LHFPL3: variants seen among roughly 807,000 people sequenced by gnomAD.
The protein encoded by LHFPL3 is LHFPL tetraspan subfamily member 3.
LHFPL3 carries 5 observed loss-of-function variants against 19.3 expected under a neutral mutation model. The ratio of observed to expected loss-of-function variants is 0.26; its 90% CI spans 0.14 to 0.54. LHFPL3 has a LOEUF of 0.54. Ranked by LOEUF, LHFPL3 falls within the 20% of genes least tolerant of loss-of-function variation. The probability of loss-of-function intolerance (pLI) is 0.94; values close to 1 mark genes in which losing one functional copy is unlikely to be tolerated. For synonymous variants in LHFPL3, 133 were observed against 126.2 expected (o/e 1.05, Z -0.36); for missense variants, 249 against 307.4 (o/e 0.81, Z 1.42).
At chr7:104,868,806 C>G (rs906953806) in intron 2 of LHFPL3, among the ~76,000 whole-genome samples, 3 of 152,124 alleles carry the variant, frequency 2.0e-5, no homozygotes, top group Non-Finnish European at 2.9e-5. Flanking sequence ...GGAGGCATCA[C>G]GCTACCTGAC....
chr7:104,894,960 G>A (rs1792324916), intron 2 of LHFPL3: 1 of 152,128 alleles, frequency 6.6e-6, no homozygotes, highest in Non-Finnish European at 1.5e-5. Flanking sequence ...AGAATCACCT[G>A]GGATCTCAAT....
Position 104,461,598 on chromosome 7 carries a change from G to A in LHFPL3, c.445+132374G>A, listed in dbSNP as rs79902346. ...TTATACCAGTAACCATGTTGTTTTC[G>A]TTACTGTAGCCCTGGAGTGTAGTTT... On this transcript the variant is annotated intron_variant, in intron 1 of 2. Coordinates refer to ENST00000424859, the MANE Select transcript of LHFPL3 (RefSeq NM_199000.3). Among the ~76,000 whole-genome samples, 847 of 152,084 alleles carry A rather than the reference G, an allele frequency of 5.6e-3. 49 individuals are homozygous for A. The East Asian group carries it at 0.13, about 24-fold the overall frequency.
intron 2 of LHFPL3, among the ~76,000 whole-genome samples, chr7:104,792,092 G>A (rs1163333885): frequency 1.3e-5 from 2 of 152,108 alleles, no homozygotes; most frequent in African/African-American, 4.8e-5. Flanking sequence ...GAAATCAAAG[G>A]TACAGAGATT....
intron 1 of LHFPL3, among the ~76,000 whole-genome samples, chr7:104,616,365 C>T (rs949296223): frequency 6.6e-6 from 1 of 152,064 alleles, no homozygotes; most frequent in East Asian, 1.9e-4. Flanking sequence ...TTTGACAAAC[C>T]TGACAAAAAC....
chr7:104,525,692 C>T (rs1450128836), intron 1 of LHFPL3, among the ~76,000 whole-genome samples: 1 of 151,416 alleles, frequency 6.6e-6, no homozygotes, highest in Non-Finnish European at 1.5e-5. Context: ...CTGCAACCTC[C>T]GCCTCCTGGG....
At chr7:104,440,035 T>TGGGCC (rs139318074) in intron 1 of LHFPL3, among the ~76,000 whole-genome samples, 3 of 84,902 alleles carry the variant, frequency 3.5e-5, no homozygotes, top group Admixed American at 1.3e-4. Context: ...ATACAAAGCC[T>TGGGCC]GGGGGGGGGG....
intron 1 of LHFPL3, among the ~76,000 whole-genome samples, chr7:104,354,090 T>C (rs1281105250): frequency 6.6e-6 from 1 of 152,254 alleles, no homozygotes; most frequent in Non-Finnish European, 1.5e-5. Flanking sequence ...TTCCTCCATT[T>C]TTAATTTCAG....
At chr7:104,903,667 T>C (rs1304039080) in intron 2 of LHFPL3, among the ~76,000 whole-genome samples, 4 of 152,124 alleles carry the variant, frequency 2.6e-5, no homozygotes, top group Non-Finnish European at 4.4e-5. Context: ...GTTTTCGCCA[T>C]ATTGACCAGG....
At chr7:104,878,772 G>A (rs1422794850) in intron 2 of LHFPL3, among the ~76,000 whole-genome samples, 2 of 152,156 alleles carry the variant, frequency 1.3e-5, no homozygotes, top group African/African-American at 2.4e-5. Flanking sequence ...CCAAACAGCC[G>A]AGTTTTGAAT....
intron 1 of LHFPL3, among the ~76,000 whole-genome samples, chr7:104,599,619 A>G (rs1790926732): frequency 6.6e-6 from 1 of 152,240 alleles, no homozygotes; most frequent in Non-Finnish European, 1.5e-5. Context: ...CACCAAGAAT[A>G]TGAGAATGAA....
chr7:104,761,405 TA>T (rs1794369541), intron 2 of LHFPL3, among the ~76,000 whole-genome samples: 2 of 152,014 alleles, frequency 1.3e-5, no homozygotes, highest in Admixed American at 1.3e-4. Context: ...AATCCAATAT[TA>T]CAAAGACATG....
At chr7:104,710,762 C>T (rs1793286838) in intron 1 of LHFPL3, among the ~76,000 whole-genome samples, 1 of 152,154 alleles carries the variant, frequency 6.6e-6, no homozygotes, top group African/African-American at 2.4e-5. Context: ...ATAATAAATG[C>T]TCAATAAATG....
chr7:104,678,794 ACT>A (rs779681166), intron 1 of LHFPL3, among the ~76,000 whole-genome samples: 80 of 152,364 alleles, frequency 5.3e-4, no homozygotes, highest in East Asian at 1.5e-3. Context: ...GCATTTGAAC[ACT>A]AACATTAGTG....
chr7:104,815,941 G>T (rs140341234), intron 2 of LHFPL3, among the ~76,000 whole-genome samples: 65 of 152,240 alleles, frequency 4.3e-4, no homozygotes, highest in African/African-American at 1.5e-3. Context: ...GAACTGCTTT[G>T]CTCATTCAGA....
intron 2 of LHFPL3, among the ~76,000 whole-genome samples, chr7:104,782,795 T>G (rs1477057038): frequency 6.6e-6 from 1 of 152,252 alleles, no homozygotes; most frequent in Non-Finnish European, 1.5e-5. Flanking sequence ...CACATCTTTC[T>G]TATACGCTAC....
Position 104,376,213 on chromosome 7 carries a change from G to GTTTGTGGGCACAA in LHFPL3, c.445+47000_445+47001insAATTTGTGGGCAC, listed in dbSNP as rs544538825. 1.2e-3 allele frequency among the ~76,000 whole-genome samples: 181 copies of GTTTGTGGGCACAA among 152,332 alleles called. 1 individual carries two copies. The highest frequency in any genetic ancestry group is 4.2e-3 in the African/African-American group (174 of 41,570). ...TTAATTTACCAAATCATTTACCACA[G>GTTTGTGGGCACAA]TTTGTGGGCACTTTTTGTGCCAGGT... On this transcript the variant is annotated intron_variant, in intron 1 of 2. Transcript: ENST00000424859.
At chr7:104,404,572 A>G (rs1271113201) in intron 1 of LHFPL3, among the ~76,000 whole-genome samples, 2 of 152,208 alleles carry the variant, frequency 1.3e-5, no homozygotes, top group African/African-American at 4.8e-5. Context: ...TCACCTCTAC[A>G]CTCATAAGAG....
chr7:104,587,179 T>C (rs554584472), intron 1 of LHFPL3, among the ~76,000 whole-genome samples: 1 of 152,364 alleles, frequency 6.6e-6, no homozygotes, highest in Non-Finnish European at 1.5e-5. Flanking sequence ...TGCAGGTCTG[T>C]TACATATGTA....
intron 2 of LHFPL3, among the ~76,000 whole-genome samples, chr7:104,789,489 G>T (rs1442882526): frequency 6.6e-6 from 1 of 152,074 alleles, no homozygotes; most frequent in Non-Finnish European, 1.5e-5. Context: ...TTCATGGAAA[G>T]CCACTATGCA....
Sources: gnomAD v4.1 joint callset for allele counts (sites outside exome capture counted in the v4.1 genomes callset) on GRCh38, gnomAD v4.1.1 for gene constraint, MANE v1.5 for transcripts, NCBI Gene and HGNC (gene_info 2026-07-23, HGNC 2026-07-21) for gene names.